Variants in FA2H observed in about 807,000 individuals in gnomAD.
The protein encoded by FA2H is fatty acid 2-hydroxylase, also known as fatty acid alpha-hydroxylase.
FA2H carries 22 observed loss-of-function variants against 44.9 expected under a neutral mutation model. The observed-to-expected ratio is 0.49, with a 90% CI of 0.35 to 0.70. The LOEUF is 0.70. FA2H is among the 30% of genes least tolerant of loss of function. The pLI, the probability that FA2H is intolerant of heterozygous loss-of-function variation, is 0.01. For synonymous variants in FA2H, 243 were observed against 213.2 expected (o/e 1.14, Z -1.22); for missense variants, 501 against 504.9 (o/e 0.99, Z 0.07).
At chr16:74,765,623 A>G (rs1962795674) in intron 1 of FA2H, among the ~76,000 whole-genome samples, 1 of 152,086 alleles carries the variant, frequency 6.6e-6, no homozygotes, top group African/African-American at 2.4e-5. Context: ...CTGGAGTACA[A>G]ATGGTGCAGT....
chr16:74,744,631 T>C (rs909936202), intron 1 of FA2H, among the ~76,000 whole-genome samples: 2 of 152,114 alleles, frequency 1.3e-5, no homozygotes, highest in East Asian at 1.9e-4. Context: ...TTTAATTTTT[T>C]TGTAGAGATG....
At chr16:74,717,606 C>T (rs1278416002) in intron 5 of FA2H, among the ~76,000 whole-genome samples, 3 of 152,194 alleles carry the variant, frequency 2.0e-5, no homozygotes, top group Non-Finnish European at 2.9e-5. Context: ...GGGCCAGATC[C>T]GGGTCACAGC....
chr16:74,742,851 T>G (rs1007808141), intron 1 of FA2H, among the ~76,000 whole-genome samples: 25 of 152,118 alleles, frequency 1.6e-4, no homozygotes, highest in African/African-American at 5.8e-4. Flanking sequence ...AAAAAAATTT[T>G]TTTTTTAATT....
intron 1 of FA2H, among the ~76,000 whole-genome samples, chr16:74,746,601 C>G (rs1176395581): frequency 6.6e-6 from 1 of 152,086 alleles, no homozygotes; most frequent in African/African-American, 2.4e-5. Flanking sequence ...GCATTTAAAA[C>G]AAATGATGTG....
At chr16:74,760,965 G>A (rs1287004109) in intron 1 of FA2H, among the ~76,000 whole-genome samples, 1 of 152,094 alleles carries the variant, frequency 6.6e-6, no homozygotes, top group Non-Finnish European at 1.5e-5. Context: ...GGGGCGGGGT[G>A]GGAGGAGGGA....
chr16:74,769,598 A>C (rs1005712009), intron 1 of FA2H, among the ~76,000 whole-genome samples: 1 of 152,218 alleles, frequency 6.6e-6, no homozygotes, highest in African/African-American at 2.4e-5. Flanking sequence ...ACTGGGGGGA[A>C]AAAAACCTGG....
chr16:74,740,397 G>A (rs1030316726), intron 1 of FA2H, among the ~76,000 whole-genome samples: 10 of 151,882 alleles, frequency 6.6e-5, no homozygotes, highest in African/African-American at 1.5e-4. Context: ...TGGGTGGATC[G>A]CCCGAGGTCA....
intron 1 of FA2H, among the ~76,000 whole-genome samples, chr16:74,750,815 C>A (rs1962514752): frequency 2.2e-5 from 3 of 134,702 alleles, no homozygotes; most frequent in Non-Finnish European, 4.8e-5. Flanking sequence ...CTCGCTCTGT[C>A]AGCAGGCTGG....
At position 74,726,227 on chromosome 16, in the gene FA2H, G is replaced by C; in HGVS notation, c.611C>G (p.Thr204Arg). ...GNVRLFTSFT[T>R]EYTVAVPKSM... ...GTCAGGAAAGAAACTGGCATTACCT[G>C]TTGTAAATGACGTGAAGAGTCGGAC... The change falls in exon 4 of 7, where the codon ACA becomes AGA. Residue 204 changes from threonine (T) to arginine (R), a missense_variant and splice_region_variant. Thr to Arg is a moderately conservative substitution (Grantham distance 71). Transcript: ENST00000219368. The C allele has an allele frequency of 6.2e-7, 1 of 1,608,266 alleles. No individual in the cohort carries two copies. Among genetic ancestry groups the C allele is most frequent in the Non-Finnish European group, 8.5e-7 (1 of 1,174,816 alleles).
chr16:74,740,491 GCC>G (rs1962271674), intron 1 of FA2H, among the ~76,000 whole-genome samples: 1 of 151,370 alleles, frequency 6.6e-6, no homozygotes, highest in Non-Finnish European at 1.5e-5. Context: ...GTGGTGGTGC[GCC>G]CCTGTAATCC....
intron 1 of FA2H, among the ~76,000 whole-genome samples, chr16:74,750,558 C>A (rs142012056): frequency 9.2e-5 from 14 of 152,232 alleles, no homozygotes; most frequent in East Asian, 7.7e-4. Context: ...AGAGCAGCAA[C>A]AACAACAACA....
chr16:74,716,410 C>T lies in FA2H; in HGVS notation c.976G>A (p.Gly326Ser). 1 of 1,614,030 alleles carries T rather than the reference C, an allele frequency of 6.2e-7. No homozygotes were observed. Among genetic ancestry groups the T allele is most frequent in the African/African-American group, 1.3e-5 (1 of 75,002 alleles). ...YYLHFGSPHK[G>S]SYLYSLKAHH... ...GCCTTCAGGCTGTACAGGTAGGAGC[C>T]CTTGTGCGGCGAGCCAAAGTGCAGG... Residue 326 changes from glycine (G) to serine (S), a missense_variant, in exon 6 of 7, where the codon GGC becomes AGC. Gly to Ser is a moderately conservative substitution (Grantham distance 56). Coordinates refer to ENST00000219368, the MANE Select transcript of FA2H (RefSeq NM_024306.5).
chr16:74,749,329 A>T (rs2089590109), intron 1 of FA2H, among the ~76,000 whole-genome samples: 1 of 152,194 alleles, frequency 6.6e-6, no homozygotes, highest in South Asian at 2.1e-4. Context: ...ATATCTGGCA[A>T]GTGAGAAGCC....
chr16:74,734,086 T>A (rs547968464), intron 2 of FA2H, among the ~76,000 whole-genome samples: 1 of 152,306 alleles, frequency 6.6e-6, no homozygotes, highest in Admixed American at 6.5e-5. Context: ...TCGTTCCTGG[T>A]CCGGGCCCCA....
At position 74,743,146 on chromosome 16, in the gene FA2H, C is replaced by T. The variant is rs577454256; in HGVS notation, c.271-3031G>A. ...CGATTACTGGTGTGAGGCACCATGC[C>T]CGACCTCTATTTTACAGTATTTATG... On this transcript the variant is annotated intron_variant, in intron 1 of 6. Transcript: ENST00000219368. Among the ~76,000 whole-genome samples the T allele has an allele frequency of 1.6e-4, 24 of 152,250 alleles. No homozygotes were observed. The South Asian group carries it at 4.8e-3, about 30-fold the overall frequency.
intron 1 of FA2H, among the ~76,000 whole-genome samples, chr16:74,743,282 A>T (rs1387608963): frequency 6.6e-6 from 1 of 152,252 alleles, no homozygotes; most frequent in African/African-American, 2.4e-5. Context: ...CTGTAACAGG[A>T]AGTAAATCAA....
intron 1 of FA2H, among the ~76,000 whole-genome samples, chr16:74,767,031 C>T (rs1258035201): frequency 6.6e-6 from 1 of 151,924 alleles, no homozygotes; most frequent in Non-Finnish European, 1.5e-5. Flanking sequence ...AAAAAATTGG[C>T]CGGGCATGGT....
intron 1 of FA2H, among the ~76,000 whole-genome samples, chr16:74,742,612 T>C (rs553672175): frequency 7.9e-5 from 12 of 152,134 alleles, no homozygotes; most frequent in Admixed American, 2.0e-4. Context: ...GGTGGGAGGA[T>C]TGCTTAAGGC....
chr16:74,719,006 C>T lies in FA2H; in HGVS notation c.768G>A (p.Met256Ile), dbSNP rs772321218. 6.2e-7 allele frequency: 1 copy of T among 1,613,874 alleles called. No individual in the cohort carries two copies. Among genetic ancestry groups the T allele is most frequent in the East Asian group, 2.2e-5 (1 of 44,880 alleles). ...SYYLIMLHFV[M>I]HGQHHKAPFD... ...CGCTCACCTTGTGGTGCTGGCCGTG[C>T]ATGACGAAGTGCAGCATGATGAGGT... Residue 256 changes from methionine (M) to isoleucine (I), a missense_variant, in exon 5 of 7, where the codon ATG becomes ATA. Met to Ile is a conservative substitution (Grantham distance 10). Transcript: ENST00000219368.
Sources: gnomAD v4.1 joint callset for allele counts (sites outside exome capture counted in the v4.1 genomes callset) on GRCh38, gnomAD v4.1.1 for gene constraint, MANE v1.5 for transcripts, NCBI Gene and HGNC (gene_info 2026-07-23, HGNC 2026-07-21) for gene names.